MGMT: variants seen among roughly 807,000 people sequenced by gnomAD.
The protein encoded by MGMT is methylated-DNA--protein-cysteine methyltransferase.
MGMT carries 14 observed loss-of-function variants against 15.9 expected under a neutral mutation model. That is an observed-to-expected ratio of 0.88 (90% CI 0.58 to 1.37). The LOEUF is 1.37. Ranked by LOEUF, MGMT falls within the 40% of genes most tolerant of loss-of-function variation. The pLI is 0.00. For synonymous variants in MGMT, 130 were observed against 118.2 expected, an observed-to-expected ratio of 1.10 and a Z score of -0.65; for missense variants, 282 against 268.1, an observed-to-expected ratio of 1.05 and a Z score of -0.36.
chr10:129,713,965 G>A (rs139877445), intron 3 of MGMT, among the ~76,000 whole-genome samples: 277 of 152,298 alleles, frequency 1.8e-3, no homozygotes, highest in Non-Finnish European at 3.2e-3. Flanking sequence ...CCCGTCACCC[G>A]TCCTGGCTCA....
rs142875927 is a variant in MGMT at position 129,720,730 on chromosome 10, G to T, written c.274+12687G>T. ...TTTCTTCTCTGTCTGAGCACTCAGA[G>T]CAGTGCCTGCCAATGCTGTGACAAT... On this transcript the variant is annotated intron_variant, in intron 3 of 4. Coordinates refer to ENST00000651593, the MANE Select transcript of MGMT (RefSeq NM_002412.5). Among the ~76,000 whole-genome samples, 275 of 152,346 alleles carry T rather than the reference G, an allele frequency of 1.8e-3. 3 individuals are homozygous for T. In the East Asian group the frequency reaches 0.046, roughly 26 times the overall value.
rs576785248 is a variant in MGMT, at chr10:129,503,974, T to A, written c.-12-32267T>A. ...CTTTGTGTGCACTGGGAACATCTCA[T>A]TGTAGCCTGATGGTTTCAACAGTAT... is the stretch of plus-strand genomic sequence containing the variant. On this transcript the variant is annotated intron_variant, in intron 1 of 4. Transcript: ENST00000651593. Among the ~76,000 whole-genome samples the A allele has an allele frequency of 5.9e-5, 9 of 152,342 alleles. No individual in the cohort carries two copies. In the South Asian group the frequency reaches 1.9e-3, roughly 32 times the overall value.
At chr10:129,667,879 T>C (rs1476043904) in intron 2 of MGMT, among the ~76,000 whole-genome samples, 4 of 152,232 alleles carry the variant, frequency 2.6e-5, no homozygotes, top group Non-Finnish European at 5.9e-5. Context: ...GTATGATTAT[T>C]TGCCATTTGT....
intron 2 of MGMT, among the ~76,000 whole-genome samples, chr10:129,586,286 A>G (rs1358777805): frequency 6.6e-6 from 1 of 152,050 alleles, no homozygotes; most frequent in Non-Finnish European, 1.5e-5. Context: ...CAAAATAACA[A>G]ATATTCTCAT....
At chr10:129,527,440 G>A (rs12254008) in intron 1 of MGMT, among the ~76,000 whole-genome samples, 23,025 of 152,116 alleles carry the variant, frequency 0.15, 2,652 homozygotes, top group African/African-American at 0.33. Context: ...TTGATGGTAC[G>A]CCGAGGGCCT....
At chr10:129,707,700 G>A (rs1848180887) in intron 2 of MGMT, among the ~76,000 whole-genome samples, 195 bp from the exon 3 acceptor site, 1 of 152,212 alleles carries the variant, frequency 6.6e-6, no homozygotes, top group Admixed American at 6.5e-5. Flanking sequence ...GAGGCCTGAA[G>A]GTGGAGAGTG....
chr10:129,586,149 A>G (rs993119670), intron 2 of MGMT, among the ~76,000 whole-genome samples: 43 of 152,200 alleles, frequency 2.8e-4, no homozygotes, highest in African/African-American at 1.0e-3. Flanking sequence ...GGAATTTTCC[A>G]GTTAATATTT....
chr10:129,702,882 G>A (rs74160271), intron 2 of MGMT, among the ~76,000 whole-genome samples: 49 of 152,284 alleles, frequency 3.2e-4, no homozygotes, highest in African/African-American at 1.1e-3. Context: ...TTGCCAGTGG[G>A]GAAGCTTGAG....
intron 2 of MGMT, among the ~76,000 whole-genome samples, chr10:129,552,839 T>A (rs2119792649): frequency 6.6e-6 from 1 of 152,376 alleles, no homozygotes; most frequent in Middle Eastern, 3.4e-3. Flanking sequence ...GCTCTTTTTG[T>A]TTTTCCCCAC....
At chr10:129,511,106 G>A (rs891414074) in intron 1 of MGMT, among the ~76,000 whole-genome samples, 2 of 143,252 alleles carry the variant, frequency 1.4e-5, no homozygotes, top group Admixed American at 1.4e-4. Context: ...CGTGCTTCAT[G>A]TGATGGGAAC....
intron 2 of MGMT, among the ~76,000 whole-genome samples, chr10:129,577,843 A>G (rs961097463): frequency 1.3e-5 from 2 of 152,206 alleles, no homozygotes; most frequent in Non-Finnish European, 2.9e-5. Flanking sequence ...TTTACAAGAA[A>G]AAAACAACCC....
At chr10:129,511,621 C>T (rs1056544219) in intron 1 of MGMT, among the ~76,000 whole-genome samples, 4 of 152,216 alleles carry the variant, frequency 2.6e-5, no homozygotes, top group Non-Finnish European at 5.9e-5. Context: ...TTTTGTTTAA[C>T]ACAGCCATAT....
At chr10:129,489,590 T>C (rs1294671646) in intron 1 of MGMT, among the ~76,000 whole-genome samples, 1 of 152,122 alleles carries the variant, frequency 6.6e-6, no homozygotes, top group Non-Finnish European at 1.5e-5. Flanking sequence ...AATCTGCCTC[T>C]TCAGGAATAT....
intron 1 of MGMT, among the ~76,000 whole-genome samples, chr10:129,490,596 C>G (rs1326570972): frequency 6.6e-6 from 1 of 151,958 alleles, no homozygotes; most frequent in African/African-American, 2.4e-5. Context: ...AGCTTTCAGC[C>G]TTTGTTCTTA....
intron 2 of MGMT, among the ~76,000 whole-genome samples, chr10:129,682,007 GAGA>G (rs1258872225): frequency 6.6e-6 from 1 of 152,194 alleles, no homozygotes; most frequent in Admixed American, 6.5e-5. Flanking sequence ...TTAGCCAACA[GAGA>G]AATGCAAATC....
At chr10:129,525,464 G>A (rs908260507) in intron 1 of MGMT, among the ~76,000 whole-genome samples, 2 of 152,040 alleles carry the variant, frequency 1.3e-5, no homozygotes, top group African/African-American at 4.8e-5. Context: ...GTGTTATTTC[G>A]ATGACTATGC....
At chr10:129,510,341 C>T (rs1486090862) in intron 1 of MGMT, among the ~76,000 whole-genome samples, 1 of 152,158 alleles carries the variant, frequency 6.6e-6, no homozygotes, top group Non-Finnish European at 1.5e-5. Flanking sequence ...AGATGTTGAA[C>T]AGGTGAGAGG....
intron 3 of MGMT, among the ~76,000 whole-genome samples, chr10:129,719,175 C>T (rs1483250765): frequency 2.6e-5 from 4 of 151,886 alleles, no homozygotes; most frequent in African/African-American, 7.3e-5. Context: ...AGGCGTGTCA[C>T]CTTCTGCTCA....
intron 3 of MGMT, among the ~76,000 whole-genome samples, chr10:129,740,834 A>G (rs1354123222): frequency 6.6e-6 from 1 of 152,194 alleles, no homozygotes; most frequent in Non-Finnish European, 1.5e-5. Context: ...AGGAGAAAGC[A>G]CACTGAACCG....
Sources: gnomAD v4.1 joint callset for allele counts (sites outside exome capture counted in the v4.1 genomes callset) on GRCh38, gnomAD v4.1.1 for gene constraint, MANE v1.5 for transcripts, NCBI Gene and HGNC (gene_info 2026-07-23, HGNC 2026-07-21) for gene names.